The following INTU variants were observed in gnomAD, a reference collection of about 807,000 sequenced individuals.
The protein encoded by INTU is protein inturned.
A neutral mutation model predicts 100.5 loss-of-function variants in INTU; 68 were observed. The ratio of observed to expected loss-of-function variants is 0.68; its 90% CI spans 0.56 to 0.83. The LOEUF (loss-of-function observed/expected upper bound fraction) is 0.83. Among genes scored for constraint, INTU ranks in the 40% least tolerant of loss-of-function variants. INTU has a pLI of 0.00. For synonymous variants in INTU, 357 were observed against 395.7 expected (o/e 0.90, Z 1.16); for missense variants, 1,071 against 1,114.7 (o/e 0.96, Z 0.56).
chr4:127,647,766 A>G (rs1727653470), intron 2 of INTU, among the ~76,000 whole-genome samples: 1 of 152,202 alleles, frequency 6.6e-6, no homozygotes, highest in Admixed American at 6.5e-5. Context: ...GAAAAATTCC[A>G]TATACCCAAA....
intron 3 of INTU, among the ~76,000 whole-genome samples, chr4:127,661,832 G>C (rs1041619508): frequency 6.6e-6 from 1 of 152,182 alleles, no homozygotes; most frequent in African/African-American, 2.4e-5. Flanking sequence ...TCTAATAATA[G>C]ATCTGCTTTT....
At chr4:127,673,481 C>A (rs1175684290) in intron 5 of INTU, among the ~76,000 whole-genome samples, 1 of 151,434 alleles carries the variant, frequency 6.6e-6, no homozygotes, top group African/African-American at 2.4e-5. Flanking sequence ...CCACTGCACC[C>A]AGTTTTGAAG....
At chr4:127,684,385 A>G in intron 6 of INTU, 24 bp from the exon 7 acceptor site, 1 of 1,254,416 alleles carries the variant, frequency 8.0e-7, no homozygotes, top group Non-Finnish European at 1.2e-6. Flanking sequence ...TTGTAAATTA[A>G]TACGTGTAAT....
intron 8 of INTU, among the ~76,000 whole-genome samples, chr4:127,695,441 A>G (rs1331307017): frequency 1.3e-5 from 2 of 152,080 alleles, no homozygotes. Flanking sequence ...CCCTACCTGT[A>G]CCAAAAAATG....
At chr4:127,661,031 TA>T (rs1350505181) in intron 3 of INTU, among the ~76,000 whole-genome samples, 1 of 152,212 alleles carries the variant, frequency 6.6e-6, no homozygotes, top group Non-Finnish European at 1.5e-5. Context: ...TGTAAGCTTT[TA>T]AAAATGTCTT....
rs1362798341 is a variant in INTU at position 127,721,190 on chromosome 4, T to TG, written c.*4755dup. 6.6e-6 allele frequency: 1 copy of TG among 152,168 alleles called. No individual in the cohort carries two copies. The highest frequency in any genetic ancestry group is 1.5e-5 in the Non-Finnish European group (1 of 68,026). The allele number at this position is 152,168 out of a possible 1,614,324, so 9.4% of individuals were successfully genotyped here. ...GGTGGTGACGAATTCCCTCAGCATT[T>TG]GCTTGTCTGAAAAAGATTTTATTTC... is the stretch of plus-strand genomic sequence containing the variant. On this transcript the variant is annotated 3_prime_UTR_variant, in exon 16 of 16. Coordinates refer to ENST00000335251, the MANE Select transcript of INTU (RefSeq NM_015693.4).
At chr4:127,677,307 T>TGAC (rs1729261308) in intron 6 of INTU, among the ~76,000 whole-genome samples, 1 of 151,580 alleles carries the variant, frequency 6.6e-6, no homozygotes, top group African/African-American at 2.4e-5. Flanking sequence ...CTCAAGTGGG[T>TGAC]CCCTGACCCC....
intron 8 of INTU, 55 bp downstream of exon 8, chr4:127,687,922 G>T: frequency 8.5e-7 from 1 of 1,170,902 alleles, no homozygotes; most frequent in South Asian, 2.1e-5. Flanking sequence ...TTATAATCTT[G>T]TATCTTCTCT....
At chr4:127,681,891 T>G (rs1220725870) in intron 6 of INTU, among the ~76,000 whole-genome samples, 1 of 151,798 alleles carries the variant, frequency 6.6e-6, no homozygotes, top group Non-Finnish European at 1.5e-5. Context: ...TACAATGAAC[T>G]CAAACAAATC....
intron 2 of INTU, among the ~76,000 whole-genome samples, chr4:127,647,815 T>C (rs1203593603): frequency 6.6e-6 from 1 of 152,198 alleles, no homozygotes; most frequent in Non-Finnish European, 1.5e-5. Flanking sequence ...TTCCTACATT[T>C]ATATACAATA....
In INTU at chr4:127,706,893, C is replaced by A. The variant is rs377433730; in HGVS notation, c.2195C>A (p.Thr732Asn). Residue 732 changes from threonine to asparagine, a missense_variant, in exon 12 of 16, where the codon ACT (threonine) becomes AAT (asparagine). Thr to Asn is a moderately conservative substitution (Grantham distance 65, BLOSUM62 0). Transcript: ENST00000335251. The part of the protein sequence containing the change: ...GGEDDGFSPH[T>N]TPDAVRKQRE... The stretch of plus-strand genomic sequence containing the variant: ...GAAGATGATGGCTTTAGCCCCCATA[C>A]TACACCGGATGCAGTACGGAAGCAA... 3.1e-6 allele frequency: 5 copies of A among 1,613,962 alleles called. No homozygotes were observed. The African/African-American group carries it at 5.3e-5, about 17-fold the overall frequency.
At chr4:127,644,391 G>T (rs1727476471) in intron 2 of INTU, among the ~76,000 whole-genome samples, 1 of 152,140 alleles carries the variant, frequency 6.6e-6, no homozygotes, top group South Asian at 2.1e-4. Context: ...GATAATTTAG[G>T]TTTGAATGGC....
At chr4:127,665,007 T>C (rs1226099256) in intron 4 of INTU, among the ~76,000 whole-genome samples, 5 of 151,814 alleles carry the variant, frequency 3.3e-5, no homozygotes, top group Non-Finnish European at 5.9e-5. Flanking sequence ...TTTAACATGA[T>C]ATTTGTCTTA....
At position 127,706,817 on chromosome 4, in the gene INTU, C is replaced by G. The variant is rs763126949; in HGVS notation, c.2119C>G (p.Pro707Ala). Residue 707 changes from proline (P) to alanine (A), a missense_variant, in exon 12 of 16, where the codon CCT becomes GCT. Physicochemically the swap from Pro to Ala is conservative, Grantham distance 27. Coordinates refer to ENST00000335251, the MANE Select transcript of INTU (RefSeq NM_015693.4). ...FGDYSLKTRK[P>A]SPSCSSGGSD... is the part of the protein sequence containing the mutation. ...TGACTATTCCTTAAAGACACGCAAG[C>G]CTAGTCCTTCCTGTAGTAGTGGAGG... is the stretch of plus-strand genomic sequence containing the variant. The G allele has an allele frequency of 1.2e-6, 2 of 1,613,980 alleles. No individual in the cohort carries two copies. The highest frequency in any genetic ancestry group is 2.2e-5 in the South Asian group (2 of 91,086).
chr4:127,653,011 A>C (rs923852625), intron 2 of INTU, among the ~76,000 whole-genome samples: 3 of 151,300 alleles, frequency 2.0e-5, no homozygotes, highest in Non-Finnish European at 4.4e-5. Flanking sequence ...ATTTGCGTAG[A>C]GGTGTTTGTA....
chr4:127,704,853 C>G (rs114232388), intron 10 of INTU, among the ~76,000 whole-genome samples: 1 of 151,768 alleles, frequency 6.6e-6, no homozygotes, highest in Admixed American at 6.6e-5. Context: ...TTTGGGGGGC[C>G]GAGGCAGGCA....
At chr4:127,656,776 T>A in intron 3 of INTU, 55 bp downstream of exon 3, 1 of 1,131,248 alleles carries the variant, frequency 8.8e-7, no homozygotes, top group Non-Finnish European at 1.3e-6. Context: ...AATATATAAA[T>A]ATATCGTGCA....
At chr4:127,660,858 A>C (rs1420285185) in intron 3 of INTU, among the ~76,000 whole-genome samples, 1 of 152,180 alleles carries the variant, frequency 6.6e-6, no homozygotes, top group African/African-American at 2.4e-5. Context: ...GTTAAGTATC[A>C]TTTAATAAAA....
chr4:127,679,179 C>T lies in INTU; in HGVS notation c.1181+4966C>T, dbSNP rs376579839. On this transcript the variant is annotated intron_variant, in intron 6 of 15. Transcript: ENST00000335251. ...GGAGACTTTAACACCCCACTGTCAA[C>T]ATTAGACAGATCAATGAGACAGAAA... 1.1e-3 allele frequency among the ~76,000 whole-genome samples: 169 copies of T among 152,214 alleles called. 7 individuals are homozygous for T. In the East Asian group the frequency reaches 0.028, roughly 25 times the overall value.
Sources: allele counts gnomAD v4.1 joint callset (sites outside exome capture counted in the v4.1 genomes callset), GRCh38; gene constraint gnomAD v4.1.1; transcripts MANE v1.5; gene names NCBI Gene and HGNC (gene_info 2026-07-23, HGNC 2026-07-21).